MOBP: variants seen among roughly 807,000 people sequenced by gnomAD.
MOBP encodes the protein myelin associated oligodendrocyte basic protein.
MOBP carries 5 observed loss-of-function variants against 15.0 expected under a neutral mutation model. The ratio of observed to expected loss-of-function variants is 0.33; its 90% CI spans 0.17 to 0.70. MOBP has a LOEUF of 0.70. Ranked by LOEUF, MOBP falls within the 30% of genes least tolerant of loss-of-function variation. The probability of loss-of-function intolerance (pLI) is 0.67; values close to 1 mark genes in which losing one functional copy is unlikely to be tolerated. For missense variants in MOBP, 188 were observed against 257.8 expected (o/e 0.73, Z 1.85); for synonymous variants, 88 against 99.0 (o/e 0.89, Z 0.66).
At chr3:39,526,129 A>G (rs2043321097), downstream of MOBP, 1 of 152,206 alleles carries the variant, frequency 6.6e-6, no homozygotes. Flanking sequence ...AAGAAATTTA[A>G]TATCCCTTTG....
In MOBP at chr3:39,502,543, G is replaced by C; in HGVS notation, c.215G>C (p.Arg72Pro). ...CCACQKTRTS[R>P]RAKSPQRPKQ... ...TCTTTTGGCCCTCTCAGAACCAGCCGCCGTGCCAAGTCCCCTCAGAGGCCC... is the reference window on the plus strand; with the variant it reads ...TCTTTTGGCCCTCTCAGAACCAGCCCCCGTGCCAAGTCCCCTCAGAGGCCC... The change falls in exon 4 of 4, where the codon CGC becomes CCC. Residue 72 changes from arginine to proline, a missense_variant. Transcript: ENST00000684792. This position sits in a 1 kb window ranked among gnomAD's most constrained non-coding sequence, Gnocchi z 6.3. The C allele has an allele frequency of 6.3e-7, 1 of 1,578,682 alleles. No individual in the cohort carries two copies. The highest frequency in any genetic ancestry group is 2.3e-5 in the East Asian group (1 of 43,700).
In MOBP at chr3:39,469,166, A is replaced by T. The variant is rs147970271; in HGVS notation, c.-89+1426A>T. ...TACATATATACATATGTGTGTGTGT[A>T]TACATATATACATGTGTGTGTGTGT... is the stretch of plus-strand genomic sequence containing the variant. On this transcript the variant is annotated intron_variant, in intron 1 of 3. Coordinates refer to ENST00000684792, the MANE Select transcript of MOBP (RefSeq NM_001393704.1). Among the ~76,000 whole-genome samples the T allele has an allele frequency of 8.6e-3, 887 of 102,648 alleles. 185 individuals are homozygous for T. The East Asian group carries it at 0.14, about 16-fold the overall frequency. 67.3% of individuals were successfully genotyped at this position (102,648 alleles called of 152,430 possible). A position where few individuals can be genotyped will look rare whatever the true frequency, so the allele number is the denominator to read the frequency against.
chr3:39,480,817 C>T (rs1186435515), intron 2 of MOBP, among the ~76,000 whole-genome samples: 1 of 152,252 alleles, frequency 6.6e-6, no homozygotes, highest in South Asian at 2.1e-4. Flanking sequence ...CCACTCTGCT[C>T]ATCCATCTAT....
chr3:39,494,839 C>T (rs2042855002), intron 2 of MOBP, among the ~76,000 whole-genome samples: 1 of 127,218 alleles, frequency 7.9e-6, no homozygotes, highest in South Asian at 2.8e-4. Context: ...TGAGTCTAAC[C>T]AATTAGGAAT....
At chr3:39,489,689 C>CCCCA (rs749893415) in intron 2 of MOBP, among the ~76,000 whole-genome samples, 5 of 151,292 alleles carry the variant, frequency 3.3e-5, no homozygotes, top group Non-Finnish European at 5.9e-5. Flanking sequence ...GTATTGTTCC[C>CCCCA]CGCCCAGCTC....
intron 1 of MOBP, among the ~76,000 whole-genome samples, chr3:39,479,024 T>G (rs1026450240): frequency 2.0e-5 from 3 of 152,124 alleles, no homozygotes; most frequent in African/African-American, 7.2e-5. Context: ...GAGACGGGGC[T>G]TCACCATCTT....
downstream of MOBP, among the ~76,000 whole-genome samples, chr3:39,506,307 A>G (rs2043047229): frequency 6.6e-6 from 1 of 151,982 alleles, no homozygotes. Flanking sequence ...TTTGCTCTTC[A>G]ATTCATTGTG....
intron 2 of MOBP, among the ~76,000 whole-genome samples, chr3:39,501,231 T>G (rs370435258): frequency 4.6e-5 from 7 of 152,234 alleles, no homozygotes; most frequent in Non-Finnish European, 1.0e-4. Context: ...ACTGCACATA[T>G]GCATCTCCAA....
downstream of MOBP, among the ~76,000 whole-genome samples, chr3:39,506,741 C>A (rs555576621): frequency 1.9e-4 from 29 of 152,306 alleles, no homozygotes; most frequent in South Asian, 3.7e-3. Context: ...AAAAGAAAGG[C>A]AAGTGCTGGC....
chr3:39,471,531 C>G (rs1300102514), intron 1 of MOBP, among the ~76,000 whole-genome samples: 1 of 152,192 alleles, frequency 6.6e-6, no homozygotes, highest in African/African-American at 2.4e-5. Context: ...CTGACCCTTC[C>G]ACCTTAACAA....
At chr3:39,494,538 T>C (rs2042846683) in intron 2 of MOBP, among the ~76,000 whole-genome samples, 1 of 152,166 alleles carries the variant, frequency 6.6e-6, no homozygotes, top group South Asian at 2.1e-4. Context: ...GTATCTTTTG[T>C]GAAAACGTCA....
intron 1 of MOBP, among the ~76,000 whole-genome samples, chr3:39,479,393 CT>C (rs34813360): frequency 0.12 from 15,876 of 136,014 alleles, 1,668 homozygotes; most frequent in African/African-American, 0.3. Context: ...CTTATAAGAC[CT>C]TTTTTTTTTT....
intron 1 of MOBP, among the ~76,000 whole-genome samples, chr3:39,471,583 C>G (rs2042470660): frequency 6.6e-6 from 1 of 152,178 alleles, no homozygotes; most frequent in African/African-American, 2.4e-5. Flanking sequence ...CCAAACTCCT[C>G]TTGGTATTTC....
chr3:39,482,314 C>T (rs2042639611), intron 2 of MOBP, among the ~76,000 whole-genome samples: 1 of 152,110 alleles, frequency 6.6e-6, no homozygotes, highest in Admixed American at 6.6e-5. Flanking sequence ...GGGCTTTGCC[C>T]ATGAAAACAA....
chr3:39,472,060 T>C (rs907747607), intron 1 of MOBP, among the ~76,000 whole-genome samples: 2 of 152,210 alleles, frequency 1.3e-5, no homozygotes, highest in African/African-American at 4.8e-5. Flanking sequence ...CTTGGGTGCC[T>C]GGTAGAGACA....
intron 2 of MOBP, among the ~76,000 whole-genome samples, chr3:39,486,898 A>G (rs987061760): frequency 2.8e-5 from 4 of 142,342 alleles, no homozygotes; most frequent in African/African-American, 7.7e-5. Context: ...ACTTTTGACT[A>G]TGTTTATTGT....
At chr3:39,518,408 A>G (rs2043227376), downstream of MOBP, among the ~76,000 whole-genome samples, 3 of 152,194 alleles carry the variant, frequency 2.0e-5, no homozygotes, top group Admixed American at 6.5e-5. Flanking sequence ...GTCTGGGTCC[A>G]TGTTTGAGAA....
intron 2 of MOBP, chr3:39,499,318 G>A (rs1450354710): frequency 6.6e-6 from 1 of 152,198 alleles, no homozygotes; most frequent in African/African-American, 2.4e-5. Flanking sequence ...GTCAGCTGCA[G>A]CTTCTCATTG....
chr3:39,488,525 A>G (rs114709535), intron 2 of MOBP, among the ~76,000 whole-genome samples: 131 of 152,276 alleles, frequency 8.6e-4, no homozygotes, highest in Non-Finnish European at 1.4e-3. Flanking sequence ...ACTCTGACCT[A>G]CCCCAGACTA....
Sources: allele counts gnomAD v4.1 joint callset (sites outside exome capture counted in the v4.1 genomes callset), GRCh38; gene constraint gnomAD v4.1.1; non-coding constraint Gnocchi (gnomAD v3.1); transcripts MANE v1.5; gene names NCBI Gene and HGNC (gene_info 2026-07-23, HGNC 2026-07-21).